The following STPG2 variants were observed in gnomAD, a reference collection of about 807,000 sequenced individuals.
STPG2 encodes sperm-tail PG-rich repeat-containing protein 2.
Under a neutral mutation model 54.2 loss-of-function variants are expected in STPG2, and 56 were observed. The ratio of observed to expected loss-of-function variants is 1.03; its 90% CI spans 0.83 to 1.29. The LOEUF (loss-of-function observed/expected upper bound fraction) is 1.29, where lower values mean the gene tolerates loss of function less well. Among genes scored for constraint, STPG2 ranks in the 50% most tolerant of loss-of-function variants. The pLI is 0.00. For missense variants in STPG2, 596 were observed against 544.9 expected (o/e 1.09, Z -0.93); for synonymous variants, 200 against 181.8 (o/e 1.10, Z -0.81).
intron 5 of STPG2, among the ~76,000 whole-genome samples, chr4:98,065,243 C>A (rs1429739142): frequency 6.6e-6 from 1 of 151,878 alleles, no homozygotes; most frequent in Admixed American, 6.6e-5. Context: ...AATAGGAAAC[C>A]AAACATAATA....
intron 5 of STPG2, among the ~76,000 whole-genome samples, chr4:98,043,364 T>C (rs1737024309): frequency 6.6e-6 from 1 of 152,092 alleles, no homozygotes; most frequent in Non-Finnish European, 1.5e-5. Context: ...TATTGCTATT[T>C]TCTTAGCTAT....
intron 5 of STPG2, among the ~76,000 whole-genome samples, chr4:98,072,651 T>A (rs933905284): frequency 6.6e-6 from 1 of 151,680 alleles, no homozygotes; most frequent in Non-Finnish European, 1.5e-5. Context: ...AGTAATTCTC[T>A]CCTATAATGC....
chr4:97,690,731 ATTTC>A (rs1723337447), intron 10 of STPG2, among the ~76,000 whole-genome samples: 1 of 152,186 alleles, frequency 6.6e-6, no homozygotes, highest in Admixed American at 6.5e-5. Flanking sequence ...TTCCATTAAT[ATTTC>A]TTTCTTTCAA....
chr4:97,810,052 CTA>C (rs1003646760), intron 9 of STPG2, among the ~76,000 whole-genome samples: 5 of 152,058 alleles, frequency 3.3e-5, no homozygotes, highest in African/African-American at 1.2e-4. Context: ...TCAAACAAAA[CTA>C]ATTTTCAAAA....
intron 5 of STPG2, among the ~76,000 whole-genome samples, chr4:98,103,039 C>T (rs1739089996): frequency 1.3e-5 from 2 of 151,450 alleles, no homozygotes; most frequent in South Asian, 4.1e-4. Flanking sequence ...AATTAAAATA[C>T]ATACTCTCTC....
chr4:97,698,069 T>A (rs551126690), intron 10 of STPG2, among the ~76,000 whole-genome samples: 1 of 152,290 alleles, frequency 6.6e-6, no homozygotes, highest in South Asian at 2.1e-4. Flanking sequence ...TGTGTGTGTT[T>A]TTAATTCCTC....
intron 5 of STPG2, 69 bp from the exon 6 acceptor site, chr4:97,981,387 C>T (rs572133893): frequency 1.3e-4 from 191 of 1,503,014 alleles, no homozygotes; most frequent in Non-Finnish European, 1.7e-4. Flanking sequence ...GAGTTAAAAC[C>T]TGCCTTTTGA....
chr4:97,710,957 A>G (rs1219986507), intron 10 of STPG2, among the ~76,000 whole-genome samples: 1 of 151,808 alleles, frequency 6.6e-6, no homozygotes, highest in Admixed American at 6.6e-5. Context: ...AAAACCCATA[A>G]ATGTTTTCTC....
chr4:97,535,571 A>AT (rs1410627974), intron 4 of STPG2, among the ~76,000 whole-genome samples: 1 of 151,940 alleles, frequency 6.6e-6, no homozygotes, highest in Non-Finnish European at 1.5e-5. Flanking sequence ...ACACAGTTCC[A>AT]TTTTCTCTAT....
chr4:98,067,129 A>G (rs1737859425), intron 5 of STPG2, among the ~76,000 whole-genome samples: 1 of 152,210 alleles, frequency 6.6e-6, no homozygotes, highest in African/African-American at 2.4e-5. Context: ...AGAAATCTAA[A>G]CAATTAGTGT....
At chr4:97,537,339 C>G (rs1056832267) in intron 4 of STPG2, among the ~76,000 whole-genome samples, 5 of 152,174 alleles carry the variant, frequency 3.3e-5, no homozygotes, top group Non-Finnish European at 7.3e-5. Context: ...TCAGATCACT[C>G]CCACCCTAAT....
intron 8 of STPG2, among the ~76,000 whole-genome samples, chr4:97,924,479 C>T (rs1732259007): frequency 6.6e-6 from 1 of 152,148 alleles, no homozygotes; most frequent in Admixed American, 6.5e-5. Context: ...TTTTAATATT[C>T]TGAATTGGTC....
At chr4:97,888,464 G>C (rs113412813) in intron 8 of STPG2, among the ~76,000 whole-genome samples, 1 of 152,202 alleles carries the variant, frequency 6.6e-6, no homozygotes, top group Non-Finnish European at 1.5e-5. Context: ...TTAAGATTCA[G>C]TGACTGTCCT....
intron 10 of STPG2, among the ~76,000 whole-genome samples, chr4:97,678,272 T>C (rs758172265): frequency 3.8e-4 from 58 of 152,260 alleles, no homozygotes; most frequent in Non-Finnish European, 7.9e-4. Flanking sequence ...AGCTAATTAA[T>C]AGATGTACAT....
intron 10 of STPG2, among the ~76,000 whole-genome samples, chr4:97,587,905 T>TA (rs1425016482): frequency 6.6e-6 from 1 of 152,006 alleles, no homozygotes; most frequent in East Asian, 1.9e-4. Flanking sequence ...GATCCCTAAA[T>TA]AAAAATTAAT....
intron 8 of STPG2, among the ~76,000 whole-genome samples, chr4:97,900,469 C>T (rs143851726): frequency 6.6e-6 from 1 of 151,896 alleles, no homozygotes. Flanking sequence ...AACAGATGCA[C>T]ATGAATGAAT....
intron 4 of STPG2, among the ~76,000 whole-genome samples, chr4:97,495,722 A>C (rs1178711878): frequency 2.6e-5 from 4 of 151,010 alleles, no homozygotes; most frequent in Admixed American, 6.6e-5. Flanking sequence ...AAAAAAAAAA[A>C]AAAACACAGA....
At chr4:97,691,562 C>T (rs1199944281) in intron 10 of STPG2, among the ~76,000 whole-genome samples, 1 of 152,124 alleles carries the variant, frequency 6.6e-6, no homozygotes, top group Non-Finnish European at 1.5e-5. Flanking sequence ...ACACCTAACC[C>T]TGCCTCCACC....
chr4:97,551,759 T>C (rs1731971174), intron 4 of STPG2, among the ~76,000 whole-genome samples: 1 of 152,334 alleles, frequency 6.6e-6, no homozygotes, highest in South Asian at 2.1e-4. Flanking sequence ...ATAACACTTA[T>C]TATTGCTACA....
Sources: gnomAD v4.1 joint callset for allele counts (sites outside exome capture counted in the v4.1 genomes callset) on GRCh38, gnomAD v4.1.1 for gene constraint, MANE v1.5 for transcripts, NCBI Gene and HGNC (gene_info 2026-07-23, HGNC 2026-07-21) for gene names.